The following NR6A1 variants were observed in gnomAD, a reference collection of about 807,000 sequenced individuals.
NR6A1 encodes retinoic acid receptor-related testis-associated receptor.
Under a neutral mutation model 59.1 loss-of-function variants are expected in NR6A1, and 7 were observed. The ratio of observed to expected loss-of-function variants is 0.12; its 90% CI spans 0.07 to 0.22. The LOEUF (loss-of-function observed/expected upper bound fraction) is 0.22, where lower values mean the gene tolerates loss of function less well. NR6A1 is among the 10% of genes least tolerant of loss of function. The pLI is 1.00. For missense variants in NR6A1, 468 were observed against 611.6 expected (o/e 0.77, Z 2.48); for synonymous variants, 243 against 236.1 (o/e 1.03, Z -0.27).
At chr9:124,535,595 A>T (rs956450704) in intron 7 of NR6A1, among the ~76,000 whole-genome samples, 9 of 152,146 alleles carry the variant, frequency 5.9e-5, no homozygotes, top group Non-Finnish European at 1.2e-4. Flanking sequence ...AAATTAATTT[A>T]AAAAAAATTA....
At chr9:124,598,184 T>C (rs1405910901) in intron 2 of NR6A1, among the ~76,000 whole-genome samples, 1 of 151,752 alleles carries the variant, frequency 6.6e-6, no homozygotes, top group African/African-American at 2.4e-5. Flanking sequence ...CCAAGTAAGA[T>C]TGTTTAGCTG....
chr9:124,702,363 T>C (rs1838987613), intron 2 of NR6A1, among the ~76,000 whole-genome samples: 1 of 152,232 alleles, frequency 6.6e-6, no homozygotes, highest in Admixed American at 6.5e-5. Flanking sequence ...AAAAAAACTA[T>C]GATTTCCTCC....
chr9:124,697,370 A>G (rs1244660433), intron 2 of NR6A1, among the ~76,000 whole-genome samples: 1 of 152,210 alleles, frequency 6.6e-6, no homozygotes, highest in African/African-American at 2.4e-5. Context: ...AGCTAATTGC[A>G]AGTGTGAAGA....
intron 2 of NR6A1, among the ~76,000 whole-genome samples, chr9:124,663,470 T>C (rs1036362833): frequency 6.6e-6 from 1 of 152,130 alleles, no homozygotes; most frequent in South Asian, 2.1e-4. Context: ...ACAAGTCACT[T>C]CCCCTCTTTG....
chr9:124,768,999 T>C (rs1055408216), intron 1 of NR6A1, among the ~76,000 whole-genome samples: 25 of 152,324 alleles, frequency 1.6e-4, no homozygotes, highest in Middle Eastern at 3.4e-3. Context: ...TGGGAAAATT[T>C]AGATCAGGAT....
chr9:124,755,159 T>C (rs941309951), intron 1 of NR6A1, among the ~76,000 whole-genome samples: 2 of 80,768 alleles, frequency 2.5e-5, no homozygotes, highest in African/African-American at 9.9e-5. Context: ...TTTTCAGAGG[T>C]TGAGTCACAT....
At chr9:124,635,934 A>G (rs1836598983) in intron 2 of NR6A1, among the ~76,000 whole-genome samples, 1 of 152,218 alleles carries the variant, frequency 6.6e-6, no homozygotes, top group Admixed American at 6.5e-5. Flanking sequence ...TGTAAGACAA[A>G]CTGTCTTTCA....
intron 2 of NR6A1, among the ~76,000 whole-genome samples, chr9:124,668,746 C>T (rs1186545198): frequency 6.6e-6 from 1 of 152,120 alleles, no homozygotes; most frequent in Non-Finnish European, 1.5e-5. Context: ...ATTCAATGAA[C>T]ACACTTATAC....
chr9:124,734,158 C>T (rs973683825), intron 1 of NR6A1, among the ~76,000 whole-genome samples: 4 of 152,222 alleles, frequency 2.6e-5, no homozygotes, highest in Non-Finnish European at 5.9e-5. Context: ...GCCTCTTTCA[C>T]CCTTGTCTCA....
chr9:124,613,844 AG>A (rs1311399449), intron 2 of NR6A1, among the ~76,000 whole-genome samples: 1 of 152,210 alleles, frequency 6.6e-6, no homozygotes, highest in Non-Finnish European at 1.5e-5. Flanking sequence ...TATATTTAAA[AG>A]TATATAAAAG....
intron 1 of NR6A1, among the ~76,000 whole-genome samples, chr9:124,767,541 G>C (rs1840972620): frequency 6.6e-6 from 1 of 151,140 alleles, no homozygotes; most frequent in African/African-American, 2.4e-5. Flanking sequence ...AAAAACCTGC[G>C]TGCTGTATGT....
rs1322539695 is a variant in NR6A1, at chr9:124,520,977, T to C, written c.*1728A>G. 1 of 152,172 alleles carries C rather than the reference T, an allele frequency of 6.6e-6. No homozygotes were observed. The highest frequency in any genetic ancestry group is 1.5e-5 in the Non-Finnish European group (1 of 68,036). The allele number at this position is 152,172 out of a possible 1,614,324, so 9.4% of individuals were successfully genotyped here. ...TAACATTTCACCAGAAAGAAACAAT[T>C]ACAATCAGACATGGACTACCCAGTA... On this transcript the variant is annotated 3_prime_UTR_variant, in exon 10 of 10. Coordinates refer to ENST00000487099, the MANE Select transcript of NR6A1 (RefSeq NM_033334.4).
intron 2 of NR6A1, among the ~76,000 whole-genome samples, chr9:124,722,773 AG>A (rs996690107): frequency 6.6e-6 from 1 of 152,174 alleles, no homozygotes. Context: ...GCTAGAATGC[AG>A]TGGTGCAATC....
chr9:124,642,432 A>C (rs369171038), intron 2 of NR6A1, among the ~76,000 whole-genome samples: 1 of 152,154 alleles, frequency 6.6e-6, no homozygotes. Flanking sequence ...ATAACATATG[A>C]AATGCTTAAC....
intron 3 of NR6A1, among the ~76,000 whole-genome samples, chr9:124,553,717 C>T (rs1227056130): frequency 1.3e-5 from 2 of 151,888 alleles, no homozygotes; most frequent in Admixed American, 6.6e-5. Context: ...TTCCCCCGTT[C>T]CTTCAGATCC....
At chr9:124,559,207 G>A (rs1392326025) in intron 2 of NR6A1, among the ~76,000 whole-genome samples, 5 of 152,098 alleles carry the variant, frequency 3.3e-5, no homozygotes, top group Non-Finnish European at 1.5e-5. Context: ...AAATTGCCCT[G>A]TACAGATCTT....
intron 2 of NR6A1, among the ~76,000 whole-genome samples, chr9:124,711,536 G>T (rs1839280940): frequency 6.6e-6 from 1 of 151,810 alleles, no homozygotes; most frequent in African/African-American, 2.4e-5. Flanking sequence ...AGCCATTAAT[G>T]CCTCTCCCTG....
intron 4 of NR6A1, among the ~76,000 whole-genome samples, chr9:124,543,383 T>C (rs759639272): frequency 1.3e-5 from 2 of 152,208 alleles, no homozygotes; most frequent in Non-Finnish European, 2.9e-5. Flanking sequence ...GTTTGTGGGA[T>C]TGAATGGGGG....
chr9:124,763,495 T>C (rs1840837733), intron 1 of NR6A1, among the ~76,000 whole-genome samples: 1 of 152,204 alleles, frequency 6.6e-6, no homozygotes, highest in African/African-American at 2.4e-5. Context: ...ACTTTGAAAA[T>C]CACTGGTTTG....
Sources: allele counts gnomAD v4.1 joint callset (sites outside exome capture counted in the v4.1 genomes callset), GRCh38; gene constraint gnomAD v4.1.1; transcripts MANE v1.5; gene names NCBI Gene and HGNC (gene_info 2026-07-23, HGNC 2026-07-21).